The following DPYSL3 variants were observed in gnomAD, a reference collection of about 807,000 sequenced individuals.
DPYSL3 encodes the protein dihydropyrimidinase-related protein 3.
DPYSL3 carries 16 observed loss-of-function variants against 66.1 expected under a neutral mutation model. The observed-to-expected ratio is 0.24, with a 90% CI of 0.16 to 0.37. The LOEUF is 0.37. Ranked by LOEUF, DPYSL3 falls within the 10% of genes least tolerant of loss-of-function variation. The pLI is 1.00. For missense variants in DPYSL3, 738 were observed against 916.2 expected, an observed-to-expected ratio of 0.81 and a Z score of 2.51; for synonymous variants, 338 against 345.1, an observed-to-expected ratio of 0.98 and a Z score of 0.23.
At chr5:147,500,943 C>A (rs958989349) in intron 1 of DPYSL3, among the ~76,000 whole-genome samples, 1 of 152,166 alleles carries the variant, frequency 6.6e-6, no homozygotes, top group Non-Finnish European at 1.5e-5. Context: ...TCTCACCATG[C>A]GATCCAGCAA....
chr5:147,489,839 G>A (rs189071240), intron 1 of DPYSL3, among the ~76,000 whole-genome samples: 1 of 151,716 alleles, frequency 6.6e-6, no homozygotes, highest in Admixed American at 6.6e-5. Context: ...GGGCTGAAAA[G>A]TTACCGATGG....
intron 11 of DPYSL3, among the ~76,000 whole-genome samples, chr5:147,398,315 G>A (rs6866421): frequency 0.19 from 28,959 of 152,138 alleles, 3,240 homozygotes; most frequent in African/African-American, 0.3. Context: ...AGGCATTACT[G>A]TACTGCCAAT....
In DPYSL3 at chr5:147,424,024, C is replaced by T. The variant is rs187619773; in HGVS notation, c.470+851G>A. 3.3e-3 allele frequency among the ~76,000 whole-genome samples: 495 copies of T among 152,186 alleles called. 2 individuals carry two copies. The highest frequency in any genetic ancestry group is 5.4e-3 in the Non-Finnish European group (364 of 68,008). The stretch of plus-strand genomic sequence containing the variant: ...CTTAATTACAGCCGCCATGCCCGGC[C>T]GACCGCAAGCTGTTTTGAAAGCACA... On this transcript the variant is annotated intron_variant, in intron 2 of 13. Transcript: ENST00000343218.
At chr5:147,480,058 C>T (rs573880534) in intron 1 of DPYSL3, among the ~76,000 whole-genome samples, 1 of 152,170 alleles carries the variant, frequency 6.6e-6, no homozygotes, top group Admixed American at 6.5e-5. Flanking sequence ...TTGGCTACTA[C>T]TCTGCAAACT....
intron 1 of DPYSL3, among the ~76,000 whole-genome samples, chr5:147,464,264 G>A (rs1426460625): frequency 1.3e-5 from 2 of 152,154 alleles, no homozygotes; most frequent in Non-Finnish European, 2.9e-5. Flanking sequence ...AAGAATACAT[G>A]AATGCAAGAA....
intron 1 of DPYSL3, among the ~76,000 whole-genome samples, chr5:147,495,843 A>C (rs1753496614): frequency 1.3e-5 from 2 of 152,240 alleles, no homozygotes; most frequent in African/African-American, 4.8e-5. Flanking sequence ...TTATAGATTC[A>C]ATGGCATCCT....
At chr5:147,404,798 G>A (rs1758287535) in intron 8 of DPYSL3, among the ~76,000 whole-genome samples, 1 of 152,176 alleles carries the variant, frequency 6.6e-6, no homozygotes, top group Admixed American at 6.5e-5. Flanking sequence ...TGAAGGCCAT[G>A]GTGGCCAATA....
chr5:147,409,640 A>C (rs539177914), intron 6 of DPYSL3, among the ~76,000 whole-genome samples: 4 of 152,354 alleles, frequency 2.6e-5, no homozygotes, highest in South Asian at 2.1e-4. Context: ...CAGTGAGCAC[A>C]CACACATGAA....
chr5:147,488,124 T>C (rs558456952), intron 1 of DPYSL3, among the ~76,000 whole-genome samples: 1 of 152,296 alleles, frequency 6.6e-6, no homozygotes, highest in South Asian at 2.1e-4. Flanking sequence ...GGGAATAGTA[T>C]CCAAAGAGAA....
intron 1 of DPYSL3, among the ~76,000 whole-genome samples, chr5:147,460,579 G>A (rs1752917117): frequency 6.6e-6 from 1 of 152,170 alleles, no homozygotes. Flanking sequence ...ATAAAGGGAG[G>A]AGGGAGGCAG....
chr5:147,499,983 C>T (rs1377001696), intron 1 of DPYSL3, among the ~76,000 whole-genome samples: 2 of 151,876 alleles, frequency 1.3e-5, no homozygotes, highest in African/African-American at 4.8e-5. Flanking sequence ...AACTGGACAC[C>T]TATGTGCAAA....
At chr5:147,400,185 G>A (rs1758129973) in intron 10 of DPYSL3, among the ~76,000 whole-genome samples, 1 of 152,128 alleles carries the variant, frequency 6.6e-6, no homozygotes, top group Admixed American at 6.5e-5. Flanking sequence ...CTTGTGATGT[G>A]AACAAGGAAA....
intron 1 of DPYSL3, among the ~76,000 whole-genome samples, chr5:147,448,021 C>G (rs1046596595): frequency 6.6e-6 from 1 of 152,088 alleles, no homozygotes; most frequent in African/African-American, 2.4e-5. Context: ...AATAAGCAAA[C>G]ACAAATGGCC....
In DPYSL3 at chr5:147,393,810, G is replaced by A; in HGVS notation, c.*225C>T. On this transcript the variant is annotated 3_prime_UTR_variant, in exon 14 of 14. Transcript: ENST00000343218. The stretch of plus-strand genomic sequence containing the variant: ...GTCTGATTGCATGCATGTAAATGGG[G>A]GGAGGGGAGTCAAACAAATCAAGGC... 1 of 556,316 alleles carries A rather than the reference G, an allele frequency of 1.8e-6. No individual in the cohort carries two copies. 34.5% of individuals were successfully genotyped at this position (556,316 alleles called of 1,614,324 possible).
At position 147,431,070 on chromosome 5, in the gene DPYSL3, A is replaced by T. The variant is rs546250696; in HGVS notation, c.382-6107T>A. On this transcript the variant is annotated intron_variant, in intron 1 of 13. Transcript: ENST00000343218. ...AGATGAAGGTGCAGGTGGTTATTTA[A>T]AATAAATTCCCATTTGGGCAATTAG... Among the ~76,000 whole-genome samples, 23 of 152,340 alleles carry T rather than the reference A, an allele frequency of 1.5e-4. No individual in the cohort carries two copies. In the East Asian group the frequency reaches 4.4e-3, roughly 29 times the overall value.
intron 1 of DPYSL3, among the ~76,000 whole-genome samples, chr5:147,506,369 T>C (rs1020986010): frequency 1.3e-5 from 2 of 152,136 alleles, no homozygotes; most frequent in African/African-American, 4.8e-5. Context: ...AAAGCTTGAA[T>C]GGCAGGGTGT....
intron 1 of DPYSL3, among the ~76,000 whole-genome samples, chr5:147,442,403 A>C (rs1435179676): frequency 2.0e-5 from 3 of 152,192 alleles, no homozygotes; most frequent in Non-Finnish European, 2.9e-5. Flanking sequence ...AAATGAGAGA[A>C]AGCAGAGTTT....
In DPYSL3 at chr5:147,418,637, G is replaced by A; in HGVS notation, c.471-6C>T. ...TCAGATTGTCTCCAATTTGTCTGGT[G>A]AAACAAACAAACAAAAAAATGATCA... On this transcript the variant is annotated splice_polypyrimidine_tract_variant and splice_region_variant and intron_variant, in intron 2 of 13. Transcript: ENST00000343218. 6.4e-7 allele frequency: 1 copy of A among 1,560,524 alleles called. No individual in the cohort carries two copies. Among genetic ancestry groups the A allele is most frequent in the Non-Finnish European group, 8.7e-7 (1 of 1,149,670 alleles).
intron 1 of DPYSL3, among the ~76,000 whole-genome samples, chr5:147,463,015 CA>C (rs1752957002): frequency 6.6e-6 from 1 of 152,154 alleles, no homozygotes. Context: ...GTTATAAGAA[CA>C]GGTGGACCTA....
Sources: gnomAD v4.1 joint callset for allele counts (sites outside exome capture counted in the v4.1 genomes callset) on GRCh38, gnomAD v4.1.1 for gene constraint, MANE v1.5 for transcripts, NCBI Gene and HGNC (gene_info 2026-07-23, HGNC 2026-07-21) for gene names.